FAM174B: variants seen among roughly 807,000 people sequenced by gnomAD.
FAM174B encodes family with sequence similarity 174 member B.
A neutral mutation model predicts 10.9 loss-of-function variants in FAM174B; 12 were observed. The observed-to-expected ratio is 1.10, with a 90% CI of 0.71 to 1.79. The LOEUF (loss-of-function observed/expected upper bound fraction) is 1.79, where lower values mean the gene tolerates loss of function less well. Among genes scored for constraint, FAM174B ranks in the 40% most tolerant of loss-of-function variants. The pLI, the probability that FAM174B is intolerant of heterozygous loss-of-function variation, is 0.00. For synonymous variants in FAM174B, 132 were observed against 115.8 expected, an observed-to-expected ratio of 1.14 and a Z score of -0.90; for missense variants, 266 against 233.3, an observed-to-expected ratio of 1.14 and a Z score of -0.91.
rs1311454194 is a variant in FAM174B, at chr15:92,655,312, C to T, written c.344+4G>A. ...GGGGGAAGGAAGAGGGCGGGAGGGC[C>T]CACCTGAAGACGCGCAGCAGCAGGC... On this transcript the variant is annotated splice_donor_region_variant and intron_variant, in intron 1 of 2. Transcript: ENST00000327355. 1.3e-6 allele frequency: 2 copies of T among 1,556,176 alleles called. No individual in the cohort carries two copies. Among genetic ancestry groups the T allele is most frequent in the African/African-American group, 2.8e-5 (2 of 70,736 alleles).
chr15:92,643,104 T>C (rs535833911), intron 1 of FAM174B, among the ~76,000 whole-genome samples: 26 of 151,148 alleles, frequency 1.7e-4, no homozygotes, highest in African/African-American at 6.1e-4. Context: ...TCTGTAAATA[T>C]ACTAAAAACC....
At chr15:92,640,145 C>G (rs757044112) in intron 1 of FAM174B, among the ~76,000 whole-genome samples, 41 of 152,180 alleles carry the variant, frequency 2.7e-4, no homozygotes, top group Non-Finnish European at 5.0e-4. Context: ...ACGGATCAGA[C>G]TTAAATGTAG....
intron 2 of FAM174B, among the ~76,000 whole-genome samples, chr15:92,624,086 A>G (rs889969859): frequency 6.6e-6 from 1 of 152,188 alleles, no homozygotes; most frequent in African/African-American, 2.4e-5. Flanking sequence ...CTAAATGAAA[A>G]TTGCCCGCAG....
intron 2 of FAM174B, among the ~76,000 whole-genome samples, chr15:92,623,807 C>T (rs992219911): frequency 6.6e-6 from 1 of 152,194 alleles, no homozygotes; most frequent in African/African-American, 2.4e-5. Flanking sequence ...ACCACCACCA[C>T]GTGACAGGGA....
intron 1 of FAM174B, among the ~76,000 whole-genome samples, chr15:92,651,101 A>G (rs891834457): frequency 4.6e-5 from 7 of 152,380 alleles, no homozygotes; most frequent in Non-Finnish European, 1.0e-4. Context: ...ATACAAAATA[A>G]AGCAATGAAT....
At chr15:92,634,369 A>C (rs3803523) in intron 1 of FAM174B, 1 of 152,116 alleles carries the variant, frequency 6.6e-6, no homozygotes, top group African/African-American at 2.4e-5. Flanking sequence ...CTGATGGCTG[A>C]CCCTGGGAGA....
chr15:92,622,238 G>T (rs1375634089), intron 2 of FAM174B, among the ~76,000 whole-genome samples: 1 of 152,232 alleles, frequency 6.6e-6, no homozygotes, highest in Non-Finnish European at 1.5e-5. Flanking sequence ...ACATCCGTGT[G>T]CTTAAGAAAC....
chr15:92,623,374 C>A (rs536616480), intron 2 of FAM174B, among the ~76,000 whole-genome samples: 13 of 152,268 alleles, frequency 8.5e-5, no homozygotes, highest in Non-Finnish European at 1.3e-4. Flanking sequence ...TAGTGACATT[C>A]CTGCTTCATC....
At chr15:92,641,525 A>G (rs929024578) in intron 1 of FAM174B, among the ~76,000 whole-genome samples, 17 of 152,198 alleles carry the variant, frequency 1.1e-4, no homozygotes, top group East Asian at 5.8e-4. Context: ...GACACACAAG[A>G]TATTTTTATA....
At chr15:92,638,264 C>T (rs1230578852) in intron 1 of FAM174B, among the ~76,000 whole-genome samples, 2 of 152,200 alleles carry the variant, frequency 1.3e-5, no homozygotes, top group African/African-American at 4.8e-5. Context: ...CCCTTCCATC[C>T]GAACCAAAAC....
At chr15:92,627,602 T>C (rs2050761561) in intron 2 of FAM174B, among the ~76,000 whole-genome samples, 1 of 152,218 alleles carries the variant, frequency 6.6e-6, no homozygotes, top group Non-Finnish European at 1.5e-5. Flanking sequence ...GTTTAGGGTC[T>C]TCTCTTATTC....
chr15:92,630,695 A>G (rs555257847), intron 1 of FAM174B, among the ~76,000 whole-genome samples: 12 of 141,424 alleles, frequency 8.5e-5, no homozygotes, highest in Non-Finnish European at 1.4e-4. Flanking sequence ...TATATTTTAT[A>G]TATATATTAT....
At chr15:92,627,663 C>T (rs766932026) in intron 2 of FAM174B, among the ~76,000 whole-genome samples, 2 of 152,186 alleles carry the variant, frequency 1.3e-5, no homozygotes, top group Non-Finnish European at 2.9e-5. Flanking sequence ...ATGCTTCCCA[C>T]GGAGTTAGTT....
intron 1 of FAM174B, among the ~76,000 whole-genome samples, chr15:92,647,963 T>C (rs1335723646): frequency 2.6e-5 from 4 of 152,130 alleles, no homozygotes; most frequent in Non-Finnish European, 5.9e-5. Context: ...CAACCCCCCT[T>C]ATCTTAACTC....
chr15:92,630,822 CATATTATATATTATAT>C lies in FAM174B; in HGVS notation c.345-493_345-478del, dbSNP rs1333725105. 5.1e-3 allele frequency among the ~76,000 whole-genome samples: 125 copies of C among 24,718 alleles called. 3 individuals carry two copies. The highest frequency in any genetic ancestry group is 0.025 in the Middle Eastern group (1 of 40). 16.2% of individuals were successfully genotyped at this position (24,718 alleles called of 152,430 possible). On this transcript the variant is annotated intron_variant, in intron 1 of 2. Transcript: ENST00000327355. ...CATATTATATATATTTTATATATTA[CATATTATATATTATAT>C]ATATTACATATTACATGTTACATAT...
intron 1 of FAM174B, among the ~76,000 whole-genome samples, chr15:92,641,562 T>C (rs538509549): frequency 6.6e-6 from 1 of 152,292 alleles, no homozygotes; most frequent in South Asian, 2.1e-4. Context: ...ATAGTGTATG[T>C]GTAAGAGATA....
intron 1 of FAM174B, among the ~76,000 whole-genome samples, chr15:92,632,141 G>A (rs938886925): frequency 6.6e-6 from 1 of 152,228 alleles, no homozygotes; most frequent in Non-Finnish European, 1.5e-5. Context: ...CCTAGGTCAA[G>A]GGCTTGTGAA....
intron 1 of FAM174B, among the ~76,000 whole-genome samples, chr15:92,649,263 C>A (rs988830773): frequency 6.6e-6 from 1 of 152,228 alleles, no homozygotes; most frequent in South Asian, 2.1e-4. Flanking sequence ...TAGAAGGAAT[C>A]CACGTCAGGT....
intron 2 of FAM174B, among the ~76,000 whole-genome samples, chr15:92,622,892 CCT>C (rs1462917864): frequency 2.0e-5 from 3 of 152,120 alleles, no homozygotes; most frequent in African/African-American, 7.2e-5. Context: ...AGGTGCGGTA[CCT>C]CACACCTGCC....
Sources: allele counts gnomAD v4.1 joint callset (sites outside exome capture counted in the v4.1 genomes callset), GRCh38; gene constraint gnomAD v4.1.1; transcripts MANE v1.5; gene names NCBI Gene and HGNC (gene_info 2026-07-23, HGNC 2026-07-21).